Variants in NKAIN2 observed in about 807,000 individuals in gnomAD.
NKAIN2 encodes sodium/potassium-transporting ATPase subunit beta-1-interacting protein 2.
A neutral mutation model predicts 32.6 loss-of-function variants in NKAIN2; 14 were observed. The observed-to-expected ratio is 0.43, with a 90% CI of 0.28 to 0.67. The LOEUF is 0.67. NKAIN2 is among the 30% of genes least tolerant of loss of function. NKAIN2 has a pLI of 0.17. For missense variants in NKAIN2, 198 were observed against 258.3 expected (o/e 0.77, Z 1.60); for synonymous variants, 80 against 87.2 (o/e 0.92, Z 0.46).
chr6:124,225,493 G>C (rs1053653029), intron 1 of NKAIN2, among the ~76,000 whole-genome samples: 1 of 151,808 alleles, frequency 6.6e-6, no homozygotes, highest in African/African-American at 2.4e-5. Context: ...TTCAAAGGAA[G>C]TCTTTCAGAA....
chr6:123,879,445 A>C (rs1408422980), intron 1 of NKAIN2, among the ~76,000 whole-genome samples: 1 of 152,216 alleles, frequency 6.6e-6, no homozygotes, highest in Non-Finnish European at 1.5e-5. Context: ...TCTGGAATAC[A>C]GTGGCTTTTA....
At chr6:123,935,744 A>T (rs1406688021) in intron 1 of NKAIN2, among the ~76,000 whole-genome samples, 2 of 152,084 alleles carry the variant, frequency 1.3e-5, no homozygotes, top group African/African-American at 4.8e-5. Flanking sequence ...TTAATACAGG[A>T]TCGTCATCTA....
At chr6:123,819,513 A>G (rs776073451) in intron 1 of NKAIN2, among the ~76,000 whole-genome samples, 1 of 152,300 alleles carries the variant, frequency 6.6e-6, no homozygotes, top group African/African-American at 2.4e-5. Context: ...TGCTGGGGTC[A>G]TCTTATTAAT....
intron 1 of NKAIN2, among the ~76,000 whole-genome samples, chr6:124,003,956 G>T (rs1239037297): frequency 6.6e-6 from 1 of 152,134 alleles, no homozygotes; most frequent in Non-Finnish European, 1.5e-5. Flanking sequence ...ATTGACATAG[G>T]AAATTATAAT....
At chr6:124,255,955 A>G (rs1168933960) in intron 1 of NKAIN2, among the ~76,000 whole-genome samples, 2 of 152,174 alleles carry the variant, frequency 1.3e-5, no homozygotes, top group East Asian at 3.9e-4. Flanking sequence ...CTTTGCAATC[A>G]TAAAGGAGCA....
chr6:124,448,444 T>A (rs952435993), intron 3 of NKAIN2, among the ~76,000 whole-genome samples: 1 of 152,132 alleles, frequency 6.6e-6, no homozygotes, highest in South Asian at 2.1e-4. Flanking sequence ...TAAATGCTTT[T>A]CCTTAATTTG....
chr6:123,957,179 T>G (rs2114601771), intron 1 of NKAIN2, among the ~76,000 whole-genome samples: 1 of 152,306 alleles, frequency 6.6e-6, no homozygotes, highest in East Asian at 1.9e-4. Flanking sequence ...TGGGGTCAGA[T>G]TAGGCTATGA....
chr6:124,543,548 T>C (rs903510711), intron 3 of NKAIN2, among the ~76,000 whole-genome samples: 1 of 152,196 alleles, frequency 6.6e-6, no homozygotes, highest in East Asian at 1.9e-4. Context: ...ATTTAAATTA[T>C]TATTGTATAA....
At chr6:123,953,327 G>C (rs1777412747) in intron 1 of NKAIN2, among the ~76,000 whole-genome samples, 1 of 152,178 alleles carries the variant, frequency 6.6e-6, no homozygotes, top group African/African-American at 2.4e-5. Context: ...ACTGGTATTA[G>C]TGAATTCAGG....
chr6:124,276,194 C>A (rs2626098), intron 1 of NKAIN2, among the ~76,000 whole-genome samples: 17,811 of 151,182 alleles, frequency 0.12, 1,835 homozygotes, highest in African/African-American at 0.28. Flanking sequence ...AAAGAAAAAC[C>A]ATTATATGGA....
chr6:123,914,802 A>T (rs781711142), intron 1 of NKAIN2, among the ~76,000 whole-genome samples: 3 of 152,192 alleles, frequency 2.0e-5, no homozygotes, highest in Non-Finnish European at 2.9e-5. Context: ...AACTTAAAAG[A>T]TTCACATTTT....
At chr6:123,975,741 A>G (rs952935127) in intron 1 of NKAIN2, among the ~76,000 whole-genome samples, 2 of 152,140 alleles carry the variant, frequency 1.3e-5, no homozygotes, top group South Asian at 2.1e-4. Flanking sequence ...AAAGGCACCA[A>G]TCCCATTCAT....
At chr6:123,865,852 AAGAC>A (rs778930032) in intron 1 of NKAIN2, among the ~76,000 whole-genome samples, 2 of 152,240 alleles carry the variant, frequency 1.3e-5, no homozygotes, top group Non-Finnish European at 2.9e-5. Context: ...ATGAGAGAAA[AAGAC>A]AGAGTGTGCA....
intron 1 of NKAIN2, among the ~76,000 whole-genome samples, chr6:124,017,707 G>A (rs9491042): frequency 0.21 from 31,932 of 152,108 alleles, 3,960 homozygotes; most frequent in African/African-American, 0.33. Context: ...TCCAGGTCAT[G>A]CTGATGCAAG....
chr6:123,820,572 G>T (rs1198077143), intron 1 of NKAIN2, among the ~76,000 whole-genome samples: 2 of 152,094 alleles, frequency 1.3e-5, no homozygotes, highest in Non-Finnish European at 2.9e-5. Context: ...TGACCATCCA[G>T]ATGCTTTACA....
chr6:124,243,509 GA>G (rs796965217), intron 1 of NKAIN2, among the ~76,000 whole-genome samples: 133 of 139,854 alleles, frequency 9.5e-4, no homozygotes, highest in East Asian at 9.0e-3. Flanking sequence ...AAAAAGGAAA[GA>G]AAAAAAAAAA....
At chr6:124,262,078 T>A (rs1293656500) in intron 1 of NKAIN2, among the ~76,000 whole-genome samples, 1 of 152,146 alleles carries the variant, frequency 6.6e-6, no homozygotes, top group African/African-American at 2.4e-5. Flanking sequence ...CACCTGTTTA[T>A]GACCACCACA....
chr6:123,821,260 T>C (rs929705328), intron 1 of NKAIN2, among the ~76,000 whole-genome samples: 3 of 152,234 alleles, frequency 2.0e-5, no homozygotes, highest in African/African-American at 4.8e-5. Flanking sequence ...GAAATAACCC[T>C]TTAATGAAAA....
intron 2 of NKAIN2, among the ~76,000 whole-genome samples, chr6:124,312,671 G>A (rs1266714895): frequency 6.6e-6 from 1 of 152,094 alleles, no homozygotes; most frequent in Non-Finnish European, 1.5e-5. Context: ...GTCCTCTTCG[G>A]TCTTTTATGG....
Sources: allele counts gnomAD v4.1 joint callset (sites outside exome capture counted in the v4.1 genomes callset), GRCh38; gene constraint gnomAD v4.1.1; transcripts MANE v1.5; gene names NCBI Gene and HGNC (gene_info 2026-07-23, HGNC 2026-07-21).